Variants in TBC1D31 observed in about 807,000 individuals in gnomAD.
TBC1D31 encodes TBC1 domain family member 31.
In TBC1D31, 99 loss-of-function variants were observed where a neutral mutation model predicts 132.9. The ratio of observed to expected loss-of-function variants is 0.74; its 90% CI spans 0.63 to 0.88. The LOEUF is 0.88. TBC1D31 is among the 40% of genes least tolerant of loss of function. The pLI, the probability that TBC1D31 is intolerant of heterozygous loss-of-function variation, is 0.00. For missense variants in TBC1D31, 1,134 were observed against 1,256.6 expected (o/e 0.90, Z 1.48); for synonymous variants, 385 against 419.4 (o/e 0.92, Z 1.00).
chr8:123,160,597 G>T, the TBC1D31 span, among the ~76,000 whole-genome samples: 1 of 152,146 alleles, frequency 6.6e-6, no homozygotes, highest in Non-Finnish European at 1.5e-5. Flanking sequence ...GCTGAGCCCG[G>T]CGGCCGCCAG....
At chr8:123,149,995 C>A in intron 20 of TBC1D31, 41 bp from the exon 21 acceptor site, 2 of 1,451,766 alleles carry the variant, frequency 1.4e-6, no homozygotes, top group Non-Finnish European at 9.7e-7. Flanking sequence ...CCTTTCTACT[C>A]ACTCCCAAAC....
intron 3 of TBC1D31, chr8:123,083,503 C>G (rs1008733010): frequency 2.0e-5 from 3 of 151,980 alleles, no homozygotes; most frequent in African/African-American, 7.3e-5. Context: ...AGTGATTCAC[C>G]TGCCTCAGCC....
At chr8:123,127,642 A>G (rs1273609244) in intron 13 of TBC1D31, among the ~76,000 whole-genome samples, 1 of 152,186 alleles carries the variant, frequency 6.6e-6, no homozygotes, top group African/African-American at 2.4e-5. Flanking sequence ...ATCATGACCC[A>G]TCTGGTCTTA....
rs117598637 is a variant in TBC1D31, at chr8:123,101,085, C to G, written c.1032+78C>G. 4.7e-4 allele frequency: 522 copies of G among 1,099,872 alleles called. 6 individuals are homozygous for G. The East Asian group carries it at 0.013, about 28-fold the overall frequency. The allele number at this position is 1,099,872 out of a possible 1,614,324, so 68.1% of individuals were successfully genotyped here. A position where few individuals can be genotyped will look rare whatever the true frequency, so the allele number is the denominator to read the frequency against. On this transcript the variant is annotated intron_variant, in intron 7 of 21. Transcript: ENST00000287380. ...TATCATCAAGAATAAAATCTTTATG[C>G]TACTATTTCTAACTTACCTGGAACT...
At chr8:123,073,115 T>C (rs1586521733) in intron 1 of TBC1D31, 1 of 550,246 alleles carries the variant, frequency 1.8e-6, no homozygotes, top group Middle Eastern at 5.0e-4. Context: ...GCTTTTGCTG[T>C]GTACCGGGAC....
chr8:123,151,922 C>T lies in TBC1D31; in HGVS notation c.3184C>T (p.His1062Tyr), dbSNP rs765166769. Residue 1062 changes from histidine (H) to tyrosine (Y), a missense_variant, in exon 22 of 22, where the codon CAT becomes TAT. By Grantham distance (83) the His-to-Tyr change is moderately conservative (BLOSUM62 2). Coordinates refer to ENST00000287380, the MANE Select transcript of TBC1D31 (RefSeq NM_145647.4). ...GGCTCGTCACAGATGTCAAACCCCT[C>T]ATCTTTTGGCTGCATAGAATGCATG... Reference protein sequence around the residue: ...ARARHRCQTPHLLAA With the variant: ...ARARHRCQTPYLLAA The T allele has an allele frequency of 4.1e-5, 64 of 1,547,706 alleles. No individual in the cohort carries two copies. The Middle Eastern group carries it at 8.4e-4, about 20-fold the overall frequency.
intron 20 of TBC1D31, among the ~76,000 whole-genome samples, chr8:123,146,717 C>G (rs1822246687): frequency 6.6e-6 from 1 of 151,548 alleles, no homozygotes; most frequent in Non-Finnish European, 1.5e-5. Context: ...CAGAACTTCA[C>G]TCTGTTGCCC....
At chr8:123,111,387 A>G (rs919599887) in intron 10 of TBC1D31, among the ~76,000 whole-genome samples, 3 of 152,182 alleles carry the variant, frequency 2.0e-5, no homozygotes, top group Non-Finnish European at 4.4e-5. Context: ...AAGGCAAGTT[A>G]AATGCTTGGT....
downstream of TBC1D31, among the ~76,000 whole-genome samples, chr8:123,156,162 C>T (rs904888179): frequency 3.3e-5 from 5 of 152,088 alleles, no homozygotes; most frequent in East Asian, 1.9e-4. Context: ...CCCCAGGGGC[C>T]GGGCGTGGTG....
intron 19 of TBC1D31, among the ~76,000 whole-genome samples, chr8:123,143,001 T>TA (rs1821852297): frequency 6.6e-6 from 1 of 152,176 alleles, no homozygotes; most frequent in South Asian, 2.1e-4. Context: ...AGTCTAGGGT[T>TA]AGTATTGTGG....
chr8:123,139,627 G>A (rs1469942117), intron 17 of TBC1D31, among the ~76,000 whole-genome samples: 1 of 152,140 alleles, frequency 6.6e-6, no homozygotes, highest in African/African-American at 2.4e-5. Flanking sequence ...CCTCAGAGTT[G>A]ACCAGAAGTG....
At chr8:123,126,011 A>G (rs1819990508) in intron 11 of TBC1D31, 45 bp from the exon 12 acceptor site, 2 of 1,479,036 alleles carry the variant, frequency 1.4e-6, no homozygotes, top group South Asian at 1.4e-5. Context: ...TTTTGATAAC[A>G]TGGAAAGATA....
chr8:123,087,959 G>T (rs1815941705), intron 4 of TBC1D31, among the ~76,000 whole-genome samples: 1 of 150,732 alleles, frequency 6.6e-6, no homozygotes, highest in Non-Finnish European at 1.5e-5. Context: ...CAGGCGGGGG[G>T]ATCACCTGAG....
At chr8:123,107,234 A>G (rs1187088414) in intron 8 of TBC1D31, among the ~76,000 whole-genome samples, 14 of 152,186 alleles carry the variant, frequency 9.2e-5, no homozygotes, top group Non-Finnish European at 2.9e-5. Context: ...CCTTGCAAGT[A>G]AGCCTTCTGA....
chr8:123,074,227 A>T (rs570724688), intron 1 of TBC1D31, among the ~76,000 whole-genome samples: 96 of 151,572 alleles, frequency 6.3e-4, no homozygotes, highest in Non-Finnish European at 1.1e-3. Flanking sequence ...GGACCGTGTT[A>T]GCCAGGATGG....
At chr8:123,135,438 A>G (rs1210695815) in intron 17 of TBC1D31, among the ~76,000 whole-genome samples, 3 of 152,232 alleles carry the variant, frequency 2.0e-5, no homozygotes, top group African/African-American at 7.2e-5. Flanking sequence ...CATCTCTACT[A>G]GAAATACAAA....
rs1229822420 is a variant in TBC1D31 at position 123,140,911 on chromosome 8, T to C, written c.2640+10T>C. 6.2e-7 allele frequency: 1 copy of C among 1,612,690 alleles called. No homozygotes were observed. The highest frequency in any genetic ancestry group is 1.1e-5 in the South Asian group (1 of 90,744). ...CCAGAAAACTCAGAAGGTAAAAATA[T>C]GATCCATTTAGTATACATGCAGAGG... On this transcript the variant is annotated intron_variant, in intron 18 of 21. Transcript: ENST00000287380.
At chr8:123,073,838 A>G (rs1002471766) in intron 1 of TBC1D31, among the ~76,000 whole-genome samples, 2 of 143,836 alleles carry the variant, frequency 1.4e-5, no homozygotes, top group African/African-American at 5.2e-5. Context: ...GGCGCGCGCC[A>G]CTACGCCCGG....
At chr8:123,119,396 C>T (rs1274977776) in intron 10 of TBC1D31, among the ~76,000 whole-genome samples, 1 of 152,162 alleles carries the variant, frequency 6.6e-6, no homozygotes, top group East Asian at 1.9e-4. Context: ...AGCAAATGCC[C>T]TACGATAGAG....
Sources: gnomAD v4.1 joint callset for allele counts (sites outside exome capture counted in the v4.1 genomes callset) on GRCh38, gnomAD v4.1.1 for gene constraint, MANE v1.5 for transcripts, NCBI Gene and HGNC (gene_info 2026-07-23, HGNC 2026-07-21) for gene names.